NRDC: variants seen among roughly 807,000 people sequenced by gnomAD.
NRDC encodes the protein nardilysin convertase, also known as nardilysin.
In NRDC, 54 loss-of-function variants were observed where a neutral mutation model predicts 147.1. The ratio of observed to expected loss-of-function variants is 0.37; its 90% CI spans 0.29 to 0.46. The LOEUF (loss-of-function observed/expected upper bound fraction) is 0.46, where lower values mean the gene tolerates loss of function less well. Ranked by LOEUF, NRDC falls within the 20% of genes least tolerant of loss-of-function variation. The pLI, the probability that NRDC is intolerant of heterozygous loss-of-function variation, is 1.00. For missense variants in NRDC, 1,082 were observed against 1,370.6 expected, an observed-to-expected ratio of 0.79 and a Z score of 3.33; for synonymous variants, 440 against 482.1, an observed-to-expected ratio of 0.91 and a Z score of 1.14.
Position 51,789,213 on chromosome 1 carries a change from A to C in NRDC, c.*23T>G. On this transcript the variant is annotated 3_prime_UTR_variant, in exon 31 of 31. Coordinates refer to ENST00000352171, the MANE Select transcript of NRDC (RefSeq NM_001101662.2). ...CACATTTTAAAATACACATTGCTTC[A>C]GGCCAACGTGACTGCAGTTTATTTA... 6.3e-7 allele frequency: 1 copy of C among 1,599,926 alleles called. No homozygotes were observed. The highest frequency in any genetic ancestry group is 8.6e-7 in the Non-Finnish European group (1 of 1,167,328).
chr1:51,872,513 G>C (rs1053156603), intron 1 of NRDC, among the ~76,000 whole-genome samples: 1 of 152,132 alleles, frequency 6.6e-6, no homozygotes, highest in Non-Finnish European at 1.5e-5. Context: ...GACTAGCCTG[G>C]GCAACAGAGC....
chr1:51,850,277 C>A (rs1208404302), intron 1 of NRDC, among the ~76,000 whole-genome samples: 1 of 152,116 alleles, frequency 6.6e-6, no homozygotes, highest in Admixed American at 6.5e-5. Context: ...TCAATGAAAG[C>A]CAAGAGTTTC....
At chr1:51,842,434 C>T (rs1027638015) in intron 1 of NRDC, among the ~76,000 whole-genome samples, 86 of 151,992 alleles carry the variant, frequency 5.7e-4, no homozygotes, top group African/African-American at 1.9e-3. Flanking sequence ...AGCTTCAGAT[C>T]AATAAATAAG....
chr1:51,798,760 C>A, intron 21 of NRDC: 3 of 174,020 alleles, frequency 1.7e-5, no homozygotes, highest in Non-Finnish European at 2.5e-5. Context: ...ACTAATATTT[C>A]ATTAATTACT....
At chr1:51,874,608 CAAAAAT>C (rs925683027) in intron 1 of NRDC, among the ~76,000 whole-genome samples, 2 of 151,966 alleles carry the variant, frequency 1.3e-5, no homozygotes, top group African/African-American at 4.8e-5. Flanking sequence ...GACCCTGCCT[CAAAAAT>C]AAAAATAAAA....
chr1:51,810,063 C>A (rs892918181), intron 16 of NRDC, among the ~76,000 whole-genome samples: 2 of 152,056 alleles, frequency 1.3e-5, no homozygotes, highest in African/African-American at 4.8e-5. Context: ...ACTCTGCCCC[C>A]AAAATACCAA....
At chr1:51,792,728 T>A (rs1043317094) in intron 24 of NRDC, among the ~76,000 whole-genome samples, 15 of 152,200 alleles carry the variant, frequency 9.9e-5, no homozygotes, top group African/African-American at 3.6e-4. Flanking sequence ...TAAAATTAAG[T>A]ACTTGCAACT....
intron 20 of NRDC, among the ~76,000 whole-genome samples, chr1:51,801,486 T>C (rs1238243089): frequency 6.6e-6 from 1 of 152,082 alleles, no homozygotes; most frequent in Non-Finnish European, 1.5e-5. Flanking sequence ...ACTGGTACTA[T>C]GGGGGAGAAA....
In NRDC at chr1:51,877,186, C is replaced by CA. The variant is rs1213284495; in HGVS notation, c.341+1088dup. 5.1e-3 allele frequency among the ~76,000 whole-genome samples: 712 copies of CA among 139,594 alleles called. 1 individual carries two copies. The highest frequency in any genetic ancestry group is 7.2e-3 in the Non-Finnish European group (460 of 63,938). 91.6% of individuals were successfully genotyped at this position (139,594 alleles called of 152,430 possible). On this transcript the variant is annotated intron_variant, in intron 1 of 30. Transcript: ENST00000352171. ...CTGGTGACACAGCAAGACTCCGTTT[C>CA]AAAAAAAAAAAGGAAATCAGCAAAT...
chr1:51,791,106 G>GA (rs1357969686), intron 27 of NRDC, 116 bp from the exon 28 acceptor site: 22 of 708,030 alleles, frequency 3.1e-5, no homozygotes, highest in South Asian at 9.6e-5. Context: ...ATATATCCAG[G>GA]AAAAAAAGCT....
At chr1:51,845,095 C>G (rs527311258) in intron 1 of NRDC, among the ~76,000 whole-genome samples, 11 of 152,322 alleles carry the variant, frequency 7.2e-5, no homozygotes, top group African/African-American at 2.6e-4. Context: ...ATCTCGTTCT[C>G]ATTTACCTCT....
chr1:51,823,831 T>A, intron 6 of NRDC, 45 bp from the exon 7 acceptor site: 3 of 1,424,206 alleles, frequency 2.1e-6, no homozygotes, highest in Non-Finnish European at 1.9e-6. Context: ...AAGTTAACTT[T>A]GTTAAAAGTC....
At chr1:51,812,714 T>C (rs914195154) in intron 14 of NRDC, among the ~76,000 whole-genome samples, 1 of 152,008 alleles carries the variant, frequency 6.6e-6, no homozygotes, top group Non-Finnish European at 1.5e-5. Context: ...CCCCACATGA[T>C]TATGTGAGCA....
intron 1 of NRDC, among the ~76,000 whole-genome samples, chr1:51,853,203 G>C (rs547722628): frequency 6.6e-6 from 1 of 151,114 alleles, no homozygotes; most frequent in African/African-American, 2.4e-5. Flanking sequence ...GGGTGACAGA[G>C]GGAGACTGTC....
chr1:51,798,373 G>T lies in NRDC; in HGVS notation c.2480C>A (p.Ser827Tyr), dbSNP rs143994635. The T allele has an allele frequency of 6.2e-6, 10 of 1,613,850 alleles. No individual in the cohort carries two copies. Among genetic ancestry groups the T allele is most frequent in the Non-Finnish European group, 8.5e-6 (10 of 1,179,956 alleles). ...RLLILEYARW[S>Y]MIDKYQALMD... is the part of the protein sequence containing the mutation. ...CAAAGCCTGGTACTTGTCAATCATAGACCAACGGGCATATTCCAAGATTAA... is the reference window on the plus strand; with the variant it reads ...CAAAGCCTGGTACTTGTCAATCATATACCAACGGGCATATTCCAAGATTAA... The change falls in exon 22 of 31, where the codon TCT becomes TAT. Residue 827 changes from serine to tyrosine, a missense_variant. Transcript: ENST00000352171.
intron 1 of NRDC, among the ~76,000 whole-genome samples, chr1:51,874,145 TAA>T (rs539045743): frequency 1.7e-4 from 22 of 129,092 alleles, no homozygotes; most frequent in African/African-American, 2.5e-4. Context: ...TTTTAATCAT[TAA>T]AAAAAAAAAA....
At chr1:51,838,129 C>G (rs764386917) in intron 2 of NRDC, among the ~76,000 whole-genome samples, 1 of 152,148 alleles carries the variant, frequency 6.6e-6, no homozygotes, top group African/African-American at 2.4e-5. Flanking sequence ...TTCTCGTCTT[C>G]AAACTACTTA....
chr1:51,863,013 GAAAAAA>G (rs562410956), intron 1 of NRDC, among the ~76,000 whole-genome samples: 2 of 32,048 alleles, frequency 6.2e-5, no homozygotes, highest in African/African-American at 2.9e-4. Flanking sequence ...CTGTGTGGAG[GAAAAAA>G]AAAAAAAAAA....
At chr1:51,847,555 G>C (rs148432362) in intron 1 of NRDC, among the ~76,000 whole-genome samples, 2,743 of 152,300 alleles carry the variant, frequency 0.018, 82 homozygotes, top group African/African-American at 0.063. Context: ...GCGAGAAATC[G>C]AGCGCAGCGC....
Sources: allele counts gnomAD v4.1 joint callset (sites outside exome capture counted in the v4.1 genomes callset), GRCh38; gene constraint gnomAD v4.1.1; transcripts MANE v1.5; gene names NCBI Gene and HGNC (gene_info 2026-07-23, HGNC 2026-07-21).